WDR91: variants seen among roughly 807,000 people sequenced by gnomAD.
WDR91 encodes WD repeat domain 91.
WDR91 carries 52 observed loss-of-function variants against 88.4 expected under a neutral mutation model. That is an observed-to-expected ratio of 0.59 (90% CI 0.47 to 0.74). WDR91 has a LOEUF of 0.74. Among genes scored for constraint, WDR91 ranks in the 30% least tolerant of loss-of-function variants. The pLI is 0.00. For synonymous variants in WDR91, 362 were observed against 389.5 expected (o/e 0.93, Z 0.83); for missense variants, 824 against 954.5 (o/e 0.86, Z 1.80).
rs1332300610 is a variant in WDR91, at chr7:135,210,334, A to T, written c.124-579T>A. Among the ~76,000 whole-genome samples, 3 of 152,198 alleles carry T rather than the reference A, an allele frequency of 2.0e-5. No homozygotes were observed. The East Asian group carries it at 5.8e-4, about 30-fold the overall frequency. ...CACTGCACTCCAGCCTAAGCGACAG[A>T]GTGAGACTTTCTGTCAAAAAAGAAA... On this transcript the variant is annotated intron_variant, in intron 1 of 14. Coordinates refer to ENST00000354475, the MANE Select transcript of WDR91 (RefSeq NM_014149.4).
chr7:135,197,776 C>G, intron 7 of WDR91: 1 of 540,406 alleles, frequency 1.9e-6, no homozygotes, highest in Non-Finnish European at 3.2e-6. Flanking sequence ...CATTTTCTGG[C>G]CCCTACTTAG....
At chr7:135,200,293 A>G (rs980019059) in intron 6 of WDR91, 2 of 152,252 alleles carry the variant, frequency 1.3e-5, no homozygotes, top group Non-Finnish European at 2.9e-5. Context: ...AAATAAAAAC[A>G]AAGGAAAAAG....
At chr7:135,189,281 G>A (rs1017258270) in intron 12 of WDR91, 63 bp downstream of exon 12, 32 of 1,514,760 alleles carry the variant, frequency 2.1e-5, no homozygotes, top group Non-Finnish European at 2.5e-5. Flanking sequence ...ATCCAACGTC[G>A]GCAAAAAAAA....
chr7:135,202,365 C>T (rs997987844), intron 6 of WDR91: 1 of 152,152 alleles, frequency 6.6e-6, no homozygotes, highest in Non-Finnish European at 1.5e-5. Context: ...AAACAAGTGA[C>T]CTGACTATTG....
chr7:135,188,352 T>C, intron 13 of WDR91, 81 bp downstream of exon 13: 1 of 1,143,596 alleles, frequency 8.7e-7, no homozygotes, highest in African/African-American at 1.5e-5. Context: ...GTTGCAGAGC[T>C]AGTAACAGGT....
At chr7:135,198,422 G>A (rs951836435) in intron 6 of WDR91, 90 of 412,156 alleles carry the variant, frequency 2.2e-4, no homozygotes, top group Non-Finnish European at 3.4e-4. Flanking sequence ...TGATCTAATC[G>A]GAACAATTTA....
chr7:135,211,195 C>T (rs1398907456), intron 1 of WDR91, among the ~76,000 whole-genome samples, 185 bp downstream of exon 1: 2 of 152,240 alleles, frequency 1.3e-5, no homozygotes, highest in Non-Finnish European at 2.9e-5. Flanking sequence ...CGGCTTCAGG[C>T]AGGTCCTGTC....
intron 6 of WDR91, chr7:135,198,353 G>T: frequency 1.8e-6 from 1 of 559,054 alleles, no homozygotes; most frequent in Non-Finnish European, 3.1e-6. Flanking sequence ...CCGTTAAGAG[G>T]ACAGGTCACC....
chr7:135,188,733 T>C (rs1010880947), intron 12 of WDR91, among the ~76,000 whole-genome samples, 188 bp from the exon 13 acceptor site: 4 of 152,150 alleles, frequency 2.6e-5, no homozygotes, highest in Admixed American at 6.5e-5. Context: ...CTTCTAAGCC[T>C]CAGAGGCAGC....
intron 7 of WDR91, chr7:135,197,273 A>G (rs1472763103): frequency 1.3e-5 from 2 of 152,278 alleles, no homozygotes; most frequent in African/African-American, 2.4e-5. Flanking sequence ...TTGTCACCAC[A>G]GTACCAGGCT....
intron 11 of WDR91, among the ~76,000 whole-genome samples, chr7:135,190,232 T>A (rs908683471): frequency 1.3e-5 from 2 of 152,100 alleles, no homozygotes; most frequent in Non-Finnish European, 2.9e-5. Flanking sequence ...GGTCAGGCGA[T>A]AAGAAACCGT....
At chr7:135,211,326 C>T (rs1832010377) in intron 1 of WDR91, 54 bp downstream of exon 1, 1 of 1,565,098 alleles carries the variant, frequency 6.4e-7, no homozygotes, top group Non-Finnish European at 8.7e-7. Context: ...GGGAAGCCCG[C>T]TCCCCGGCTC....
chr7:135,203,247 C>T (rs1831636581), intron 6 of WDR91, among the ~76,000 whole-genome samples: 4 of 152,194 alleles, frequency 2.6e-5, no homozygotes, highest in Admixed American at 2.6e-4. Flanking sequence ...ATTCCAGTGG[C>T]AGCCTGAGGC....
At position 135,205,947 on chromosome 7, in the gene WDR91, G is replaced by T; in HGVS notation, c.706C>A (p.Arg236Ser). Residue 236 changes from arginine (R) to serine (S), a missense_variant, in exon 5 of 15, where the codon CGC becomes AGC. Arg to Ser is a moderately radical substitution (Grantham distance 110, BLOSUM62 -1). Coordinates refer to ENST00000354475, the MANE Select transcript of WDR91 (RefSeq NM_014149.4). Reference protein sequence around the residue: ...KLPPYVSNMDRLGDSELAMVC... With the variant: ...KLPPYVSNMDSLGDSELAMVC... ...ACTCACAGTTCCGAGTCCCCCAGGC[G>T]GTCCATGTTGGAGACATAAGGAGGC... is the stretch of plus-strand genomic sequence containing the variant. 1.9e-6 allele frequency: 3 copies of T among 1,613,746 alleles called. No individual in the cohort carries two copies. In the African/African-American group the frequency reaches 4.0e-5, roughly 22 times the overall value.
intron 7 of WDR91, 80 bp downstream of exon 7, chr7:135,197,911 AAG>A (rs1831429241): frequency 4.6e-6 from 7 of 1,514,354 alleles, no homozygotes; most frequent in Non-Finnish European, 5.4e-6. Context: ...CAGAACTCAG[AAG>A]AGAGAGAAGA....
intron 5 of WDR91, among the ~76,000 whole-genome samples, chr7:135,205,319 G>T (rs916636975): frequency 1.3e-5 from 2 of 152,238 alleles, no homozygotes; most frequent in Non-Finnish European, 2.9e-5. Flanking sequence ...TACCACAGTG[G>T]TTGCGTTTTT....
At chr7:135,193,457 C>T in intron 10 of WDR91, 58 bp from the exon 11 acceptor site, 1 of 1,610,592 alleles carries the variant, frequency 6.2e-7, no homozygotes, top group Non-Finnish European at 8.5e-7. Flanking sequence ...GGAGGGTGCA[C>T]TTTGGTCCTG....
At chr7:135,199,154 A>G (rs1290834365) in intron 6 of WDR91, 4 of 152,218 alleles carry the variant, frequency 2.6e-5, no homozygotes, top group African/African-American at 9.7e-5. Flanking sequence ...TTTTTATGTC[A>G]ACAGTAAATA....
intron 5 of WDR91, 103 bp from the exon 6 acceptor site, chr7:135,204,536 T>C: frequency 1.5e-6 from 2 of 1,313,168 alleles, no homozygotes; most frequent in Non-Finnish European, 2.1e-6. Context: ...TGACCAGGCC[T>C]GGGTCAGGTC....
Sources: gnomAD v4.1 joint callset for allele counts (sites outside exome capture counted in the v4.1 genomes callset) on GRCh38, gnomAD v4.1.1 for gene constraint, MANE v1.5 for transcripts, NCBI Gene and HGNC (gene_info 2026-07-23, HGNC 2026-07-21) for gene names.